Variants in SBF2 observed in about 807,000 individuals in gnomAD.
SBF2 encodes the protein myotubularin-related protein 13.
SBF2 carries 112 observed loss-of-function variants against 225.2 expected under a neutral mutation model. The ratio of observed to expected loss-of-function variants is 0.50; its 90% CI spans 0.43 to 0.58. The LOEUF (loss-of-function observed/expected upper bound fraction) is 0.58, where lower values mean the gene tolerates loss of function less well. SBF2 is among the 20% of genes least tolerant of loss of function. The pLI, the probability that SBF2 is intolerant of heterozygous loss-of-function variation, is 0.00. For synonymous variants in SBF2, 763 were observed against 773.3 expected, an observed-to-expected ratio of 0.99 and a Z score of 0.22; for missense variants, 1,996 against 2,206.2, an observed-to-expected ratio of 0.90 and a Z score of 1.91.
intron 1 of SBF2, among the ~76,000 whole-genome samples, chr11:10,270,278 T>C (rs1962363599): frequency 6.6e-6 from 1 of 152,188 alleles, no homozygotes; most frequent in Admixed American, 6.5e-5. Flanking sequence ...TTACTACTAA[T>C]AGCCTACTCT....
chr11:10,045,273 T>C (rs111287551), intron 2 of SBF2, among the ~76,000 whole-genome samples: 8,145 of 152,136 alleles, frequency 0.054, 296 homozygotes, highest in Middle Eastern at 0.15. Context: ...GTTCAAGTGA[T>C]TCTCCTGCTT....
chr11:10,207,880 T>C (rs1957798896), intron 1 of SBF2, among the ~76,000 whole-genome samples: 1 of 152,094 alleles, frequency 6.6e-6, no homozygotes, highest in Non-Finnish European at 1.5e-5. Flanking sequence ...TTATCAAAGG[T>C]AAATATGATA....
intron 6 of SBF2, among the ~76,000 whole-genome samples, chr11:10,013,818 C>T (rs983087400): frequency 2.0e-5 from 3 of 152,216 alleles, no homozygotes; most frequent in Non-Finnish European, 1.5e-5. Context: ...GCAGCACTCA[C>T]TCTGTATTTC....
chr11:10,008,008 G>T (rs562406948), intron 6 of SBF2, among the ~76,000 whole-genome samples: 1 of 152,196 alleles, frequency 6.6e-6, no homozygotes, highest in Non-Finnish European at 1.5e-5. Flanking sequence ...CTGTCTAAGG[G>T]AGAAAGTGAT....
At chr11:9,867,443 A>C (rs1858324212) in intron 17 of SBF2, among the ~76,000 whole-genome samples, 1 of 152,202 alleles carries the variant, frequency 6.6e-6, no homozygotes, top group Non-Finnish European at 1.5e-5. Flanking sequence ...TGCTGATGGG[A>C]ATATAAATGA....
chr11:10,301,564 G>A (rs965921714), intron 1 of SBF2, among the ~76,000 whole-genome samples: 2 of 152,110 alleles, frequency 1.3e-5, no homozygotes, highest in Non-Finnish European at 2.9e-5. Context: ...AAAATTTCCT[G>A]TTTGATAAAG....
At chr11:9,891,848 TG>T (rs1175084386) in intron 17 of SBF2, among the ~76,000 whole-genome samples, 1 of 152,186 alleles carries the variant, frequency 6.6e-6, no homozygotes, top group Non-Finnish European at 1.5e-5. Context: ...ATGTTACAAG[TG>T]GGAAACCTTG....
intron 2 of SBF2, among the ~76,000 whole-genome samples, chr11:10,094,546 T>TTTTTTTTTTTTTTA (rs56821180): frequency 6.8e-6 from 1 of 146,070 alleles, no homozygotes; most frequent in African/African-American, 2.5e-5. Flanking sequence ...TTTTTTTTTT[T>TTTTTTTTTTTTTTA]GAGACAGAGT....
chr11:9,928,132 G>A (rs571962288), intron 16 of SBF2, among the ~76,000 whole-genome samples: 1 of 151,936 alleles, frequency 6.6e-6, no homozygotes, highest in Non-Finnish European at 1.5e-5. Context: ...AAAATAAAAA[G>A]CTTCTGATCT....
chr11:10,167,233 G>A (rs532312534), intron 2 of SBF2, among the ~76,000 whole-genome samples: 17 of 152,196 alleles, frequency 1.1e-4, no homozygotes, highest in African/African-American at 3.9e-4. Flanking sequence ...AATGTCCACC[G>A]TTAATGAACT....
At chr11:9,960,677 T>C (rs117884511) in intron 16 of SBF2, 16 of 152,092 alleles carry the variant, frequency 1.1e-4, no homozygotes, top group Non-Finnish European at 2.4e-4. Flanking sequence ...ATTATTATTA[T>C]TTTTTGAGAC....
chr11:10,233,210 T>C (rs554415514), intron 1 of SBF2, among the ~76,000 whole-genome samples: 112 of 152,364 alleles, frequency 7.4e-4, no homozygotes, highest in South Asian at 4.1e-3. Context: ...AATTGAACTC[T>C]TTAATTTTTC....
chr11:10,157,144 C>T (rs1340358455), intron 2 of SBF2, among the ~76,000 whole-genome samples: 5 of 152,120 alleles, frequency 3.3e-5, no homozygotes, highest in East Asian at 1.9e-4. Context: ...CTTCAACAAA[C>T]GTGACAAAAA....
chr11:10,110,988 A>G (rs1952812222), intron 2 of SBF2, among the ~76,000 whole-genome samples: 1 of 152,198 alleles, frequency 6.6e-6, no homozygotes, highest in South Asian at 2.1e-4. Context: ...GTACAGATAT[A>G]CACATACGAC....
chr11:9,964,642 C>A (rs1046594969), intron 14 of SBF2, among the ~76,000 whole-genome samples: 1 of 152,304 alleles, frequency 6.6e-6, no homozygotes, highest in East Asian at 1.9e-4. Flanking sequence ...AACTGTTACA[C>A]TGGCTTAGGA....
intron 1 of SBF2, among the ~76,000 whole-genome samples, chr11:10,286,647 G>C (rs1019521571): frequency 2.6e-5 from 4 of 152,068 alleles, no homozygotes. Flanking sequence ...TGTGAGCCAC[G>C]GCACCCAGCC....
chr11:10,165,157 T>C (rs1456943813), intron 2 of SBF2: 2 of 152,224 alleles, frequency 1.3e-5, no homozygotes, highest in South Asian at 2.1e-4. Flanking sequence ...GAAATACCTA[T>C]TCTAGCAGCT....
In SBF2 at chr11:10,293,970, C is replaced by T. The variant is rs781605786; in HGVS notation, c.55+45G>A. 5.5e-6 allele frequency: 7 copies of T among 1,275,016 alleles called. No individual in the cohort carries two copies. The South Asian group carries it at 9.9e-5, about 18-fold the overall frequency. 79.0% of individuals were successfully genotyped at this position (1,275,016 alleles called of 1,614,324 possible). On this transcript the variant is annotated intron_variant, in intron 1 of 39. Coordinates refer to ENST00000256190, the MANE Select transcript of SBF2 (RefSeq NM_030962.4). ...CCCGCGGAGCCCACTGGACAGCGGCCGGGGGGCGGGGAGGCCCGGGGGCGG... is the reference window on the plus strand; with the variant it reads ...CCCGCGGAGCCCACTGGACAGCGGCTGGGGGGCGGGGAGGCCCGGGGGCGG...
rs1854489520 is a variant in SBF2, at chr11:9,816,971, A to G, written c.3847T>C (p.Phe1283Leu). Residue 1283 changes from phenylalanine to leucine, a missense_variant, in exon 29 of 40, where the codon TTC (phenylalanine) becomes CTC (leucine). Transcript: ENST00000256190. ...STRLISSPTSFIDVGARLAGK... is the reference protein window; with the variant it reads ...STRLISSPTSLIDVGARLAGK... The stretch of plus-strand genomic sequence containing the variant: ...GCCAGCCGGGCGCCAACATCAATGA[A>G]GGATGTTGGAGAGCTGATCAAGCGA... The G allele has an allele frequency of 6.2e-7, 1 of 1,614,070 alleles. No individual in the cohort carries two copies. Among genetic ancestry groups the G allele is most frequent in the African/African-American group, 1.3e-5 (1 of 74,922 alleles).
Sources: allele counts gnomAD v4.1 joint callset (sites outside exome capture counted in the v4.1 genomes callset), GRCh38; gene constraint gnomAD v4.1.1; transcripts MANE v1.5; gene names NCBI Gene and HGNC (gene_info 2026-07-23, HGNC 2026-07-21).